Variants in HNRNPLL observed in about 807,000 individuals in gnomAD.
The protein encoded by HNRNPLL is heterogeneous nuclear ribonucleoprotein L-like.
In HNRNPLL, 25 loss-of-function variants were observed where a neutral mutation model predicts 67.1. The observed-to-expected ratio is 0.37, with a 90% CI of 0.27 to 0.52. HNRNPLL has a LOEUF of 0.52. Ranked by LOEUF, HNRNPLL falls within the 20% of genes least tolerant of loss-of-function variation. The pLI is 0.90. For missense variants in HNRNPLL, 542 were observed against 673.9 expected, an observed-to-expected ratio of 0.80 and a Z score of 2.17; for synonymous variants, 267 against 241.7, an observed-to-expected ratio of 1.10 and a Z score of -0.97.
At chr2:38,582,239 AT>A (rs1553368759) in intron 4 of HNRNPLL, 71 bp from the exon 5 acceptor site, 1 of 966,884 alleles carries the variant, frequency 1.0e-6, no homozygotes, top group Non-Finnish European at 1.7e-6. Flanking sequence ...AAAGGACAGG[AT>A]TGAAAATAAT....
At position 38,577,832 on chromosome 2, in the gene HNRNPLL, A is replaced by G. The variant is rs984444254; in HGVS notation, c.803-300T>C. 9.0e-5 allele frequency: 41 copies of G among 456,242 alleles called. No individual in the cohort carries two copies. The Admixed American group carries it at 9.3e-4, about 10-fold the overall frequency. 28.3% of individuals were successfully genotyped at this position (456,242 alleles called of 1,614,324 possible). On this transcript the variant is annotated intron_variant, in intron 6 of 12. Transcript: ENST00000449105. ...ACTTTTCAGAAAGTGAATGTACACA[A>G]TGCTAGAAGTTTGACACTGTACAGA...
intron 7 of HNRNPLL, among the ~76,000 whole-genome samples, chr2:38,575,762 T>C (rs1666278159): frequency 6.6e-6 from 1 of 151,868 alleles, no homozygotes; most frequent in East Asian, 1.9e-4. Flanking sequence ...GCTGAAGCGC[T>C]GATCTGAAGG....
intron 3 of HNRNPLL, among the ~76,000 whole-genome samples, chr2:38,584,442 T>A (rs143580496): frequency 2.1e-4 from 32 of 152,342 alleles, no homozygotes; most frequent in Admixed American, 1.2e-3. Flanking sequence ...CAATGGAACA[T>A]TTGGAAAGCA....
At chr2:38,594,464 T>C (rs1211404981) in intron 1 of HNRNPLL, among the ~76,000 whole-genome samples, 1 of 151,924 alleles carries the variant, frequency 6.6e-6, no homozygotes, top group Admixed American at 6.6e-5. Flanking sequence ...GGGAAAATAG[T>C]ATAGGGGAAA....
Position 38,602,585 on chromosome 2 carries a change from C to G in HNRNPLL, c.42G>C (p.Glu14Asp). The G allele has an allele frequency of 6.4e-7, 1 of 1,573,964 alleles. No homozygotes were observed. Among genetic ancestry groups the G allele is most frequent in the South Asian group, 1.2e-5 (1 of 85,554 alleles). ...TGGCCTGGCTCTCGTACTCCCGGTC[C>G]TCCTCGTACGTCTCCCTGGGGGAGG... ...SSSSPRETYE[E>D]DREYESQAKR... Residue 14 changes from glutamate (E) to aspartate (D), a missense_variant, in exon 1 of 13, where the codon GAG becomes GAC. Glu to Asp is a conservative substitution (Grantham distance 45). This residue lies in a region of HNRNPLL where 127 missense variants were observed against 98.7 expected (regional missense o/e 1.29). Coordinates refer to ENST00000449105, the MANE Select transcript of HNRNPLL (RefSeq NM_138394.4).
rs775303547 is a variant in HNRNPLL at position 38,591,559 on chromosome 2, C to A, written c.279G>T (p.Val93=). The part of the protein sequence containing the change: ...LCESVVEADL[V]EALEKFGTIC... Reference sequence around the variant, plus strand: ...TTGTCCCAAATTTTTCCAGCGCTTCCACGAGGTCTGCTTCCACCACAGATT... The same window carrying A: ...TTGTCCCAAATTTTTCCAGCGCTTCAACGAGGTCTGCTTCCACCACAGATT... Residue 93 remains valine, a synonymous_variant, in exon 2 of 13, where the codon GTG becomes GTT. Transcript: ENST00000449105. The A allele has an allele frequency of 1.2e-6, 2 of 1,613,068 alleles. No individual in the cohort carries two copies. Among genetic ancestry groups the A allele is most frequent in the Non-Finnish European group, 1.7e-6 (2 of 1,179,040 alleles).
chr2:38,583,794 G>T (rs1295868794), intron 4 of HNRNPLL, 47 bp downstream of exon 4: 2 of 876,694 alleles, frequency 2.3e-6, no homozygotes, highest in East Asian at 2.7e-5. Flanking sequence ...GAAAAAATAA[G>T]ATCCGTATGA....
In HNRNPLL at chr2:38,591,773, C is replaced by G. The variant is rs569143907; in HGVS notation, c.190-125G>C. ...GGAGGGTCATTTGAGGTCAGGAGTT[C>G]GAGACCAGCCTGGCCAACATGGTGA... On this transcript the variant is annotated intron_variant, in intron 1 of 12. Coordinates refer to ENST00000449105, the MANE Select transcript of HNRNPLL (RefSeq NM_138394.4). 7 of 538,414 alleles carry G rather than the reference C, an allele frequency of 1.3e-5. No homozygotes were observed. The African/African-American group carries it at 1.3e-4, about 10-fold the overall frequency. The allele number at this position is 538,414 out of a possible 1,614,324, so 33.4% of individuals were successfully genotyped here.
intron 3 of HNRNPLL, among the ~76,000 whole-genome samples, chr2:38,585,199 C>T (rs1666679002): frequency 6.6e-6 from 1 of 152,092 alleles, no homozygotes; most frequent in African/African-American, 2.4e-5. Context: ...AGTAAAGAAG[C>T]AGGGAATTTA....
At chr2:38,565,352 T>C (rs1021619466) in intron 12 of HNRNPLL, among the ~76,000 whole-genome samples, 18 of 152,178 alleles carry the variant, frequency 1.2e-4, no homozygotes, top group Non-Finnish European at 2.6e-4. Flanking sequence ...TAAAACTTTC[T>C]CTCAAAAATT....
chr2:38,563,957 T>A lies in HNRNPLL; in HGVS notation c.*225A>T, dbSNP rs930673615. On this transcript the variant is annotated 3_prime_UTR_variant, in exon 13 of 13. Transcript: ENST00000449105. ...AATCATATATCTGTATAATCTACAA[T>A]GAAGCTGTAGATAGTCTACATTATG... is the stretch of plus-strand genomic sequence containing the variant. 2 of 445,314 alleles carry A rather than the reference T, an allele frequency of 4.5e-6. No individual in the cohort carries two copies. The highest frequency in any genetic ancestry group is 8.0e-6 in the Non-Finnish European group (2 of 250,706). The allele number at this position is 445,314 out of a possible 1,614,324, so 27.6% of individuals were successfully genotyped here. A position where few individuals can be genotyped will look rare whatever the true frequency, so the allele number is the denominator to read the frequency against.
intron 6 of HNRNPLL, among the ~76,000 whole-genome samples, chr2:38,579,652 G>A (rs1037452998): frequency 1.6e-4 from 25 of 151,780 alleles, no homozygotes; most frequent in African/African-American, 5.1e-4. Context: ...GTTCCCTGGC[G>A]TCCTGGTTAG....
intron 4 of HNRNPLL, 97 bp from the exon 5 acceptor site, chr2:38,582,265 T>A: frequency 1.2e-6 from 1 of 804,442 alleles, no homozygotes; most frequent in Non-Finnish European, 2.1e-6. Context: ...AGTAGCTCTT[T>A]TACTTCTGGA....
intron 6 of HNRNPLL, 55 bp downstream of exon 6, chr2:38,581,858 C>A: frequency 9.2e-7 from 1 of 1,082,326 alleles, no homozygotes; most frequent in Non-Finnish European, 1.4e-6. Flanking sequence ...AATCTAACTG[C>A]ATATAAAAAT....
At chr2:38,596,857 A>T (rs1033906019) in intron 1 of HNRNPLL, among the ~76,000 whole-genome samples, 2 of 152,176 alleles carry the variant, frequency 1.3e-5, no homozygotes, top group Non-Finnish European at 2.9e-5. Flanking sequence ...TGCTTGCAAC[A>T]TACATGCACT....
chr2:38,587,374 C>T (rs968886820), intron 2 of HNRNPLL, among the ~76,000 whole-genome samples: 2 of 151,780 alleles, frequency 1.3e-5, no homozygotes, highest in Admixed American at 1.3e-4. Context: ...TATTATTTAA[C>T]GTATCTTGCC....
chr2:38,576,192 T>C (rs1666294623), intron 7 of HNRNPLL, among the ~76,000 whole-genome samples: 1 of 151,876 alleles, frequency 6.6e-6, no homozygotes, highest in Non-Finnish European at 1.5e-5. Flanking sequence ...ATTTATTCTT[T>C]CACAGATTTT....
intron 8 of HNRNPLL, among the ~76,000 whole-genome samples, chr2:38,571,957 G>A (rs1666102571): frequency 6.6e-6 from 1 of 152,094 alleles, no homozygotes; most frequent in African/African-American, 2.4e-5. Flanking sequence ...TAAAGATGTT[G>A]ATTAAATTGC....
chr2:38,587,958 C>T (rs960798198), intron 2 of HNRNPLL, among the ~76,000 whole-genome samples: 1 of 151,978 alleles, frequency 6.6e-6, no homozygotes, highest in Non-Finnish European at 1.5e-5. Context: ...CCTTTGTGTG[C>T]GCGCTCTCTC....
Sources: gnomAD v4.1 joint callset for allele counts (sites outside exome capture counted in the v4.1 genomes callset) on GRCh38, gnomAD v4.1.1 for gene constraint, gnomAD v4.1.1 regional missense constraint, MANE v1.5 for transcripts, NCBI Gene and HGNC (gene_info 2026-07-23, HGNC 2026-07-21) for gene names.